AASDH: variants seen among roughly 807,000 people sequenced by gnomAD.
AASDH encodes aminoadipate-semialdehyde dehydrogenase, also known as beta-alanine-activating enzyme.
AASDH carries 81 observed loss-of-function variants against 102.3 expected under a neutral mutation model. That is an observed-to-expected ratio of 0.79 (90% CI 0.66 to 0.95). AASDH has a LOEUF of 0.95. Among genes scored for constraint, AASDH ranks in the 40% least tolerant of loss-of-function variants. The probability of loss-of-function intolerance (pLI) is 0.00; values close to 1 mark genes in which losing one functional copy is unlikely to be tolerated. For synonymous variants in AASDH, 398 were observed against 454.0 expected (o/e 0.88, Z 1.57); for missense variants, 1,203 against 1,266.2 (o/e 0.95, Z 0.76).
chr4:56,347,521 C>T (rs1433036518), intron 11 of AASDH, among the ~76,000 whole-genome samples: 1 of 152,096 alleles, frequency 6.6e-6, no homozygotes, highest in Admixed American at 6.6e-5. Flanking sequence ...CCCAGGACCC[C>T]CATATTCCTA....
At chr4:56,384,389 C>A in intron 1 of AASDH, 48 bp from the exon 2 acceptor site, 4 of 1,052,894 alleles carry the variant, frequency 3.8e-6, no homozygotes, top group South Asian at 1.5e-5. Flanking sequence ...TTAGAGAGCT[C>A]GGTGGAGGGA....
At chr4:56,361,331 C>T (rs1359635272) in intron 5 of AASDH, among the ~76,000 whole-genome samples, 3 of 152,076 alleles carry the variant, frequency 2.0e-5, no homozygotes, top group African/African-American at 7.2e-5. Context: ...ATCACTTGAA[C>T]CCAGGAGGTG....
At chr4:56,380,433 T>G (rs1035610285) in intron 3 of AASDH, among the ~76,000 whole-genome samples, 1 of 151,972 alleles carries the variant, frequency 6.6e-6, no homozygotes, top group East Asian at 1.9e-4. Flanking sequence ...AAGCCTACAG[T>G]GTTTTCTTTG....
chr4:56,371,811 C>A (rs11734595), intron 4 of AASDH, among the ~76,000 whole-genome samples, 168 bp from the exon 5 acceptor site: 54,417 of 152,064 alleles, frequency 0.36, 10,238 homozygotes, highest in Non-Finnish European at 0.43. Flanking sequence ...AGGAAATCTT[C>A]TTTATAAAAG....
At chr4:56,352,755 A>T (rs1055707193) in intron 9 of AASDH, among the ~76,000 whole-genome samples, 1 of 152,132 alleles carries the variant, frequency 6.6e-6, no homozygotes, top group African/African-American at 2.4e-5. Context: ...CCTGTCCTCA[A>T]ACAGGGATTT....
In AASDH at chr4:56,349,500, G is replaced by A. The variant is rs1441760461; in HGVS notation, c.2251C>T (p.Gln751Ter). 2 of 1,614,166 alleles carry A rather than the reference G, an allele frequency of 1.2e-6. No homozygotes were observed. The highest frequency in any genetic ancestry group is 4.5e-5 in the East Asian group (2 of 44,884). ...CACCTCACATGTAACTCCATTTTCT[G>A]AGTCCCTATCGCAGGTTTCCCCTCT... ...SEEGKPAIGT[Q>*]KMELHVRWRS... The change falls in exon 11 of 15, where the codon CAG (glutamine) becomes TAG (stop). Residue 751 changes from glutamine to a stop codon, truncating the protein, a stop_gained. Coordinates refer to ENST00000205214, the MANE Select transcript of AASDH (RefSeq NM_181806.4). LOFTEE classifies it high-confidence loss of function.
intron 5 of AASDH, among the ~76,000 whole-genome samples, chr4:56,364,070 T>A (rs1449248220): frequency 2.0e-5 from 3 of 151,660 alleles, no homozygotes; most frequent in Non-Finnish European, 4.4e-5. Flanking sequence ...ACATGATGAA[T>A]GCACAAGCCT....
chr4:56,386,514 C>T (rs1455528581), intron 1 of AASDH, among the ~76,000 whole-genome samples: 1 of 152,118 alleles, frequency 6.6e-6, no homozygotes, highest in African/African-American at 2.4e-5. Flanking sequence ...GAAAAAAAGG[C>T]CGGGCGCGGT....
chr4:56,353,542 C>T lies in AASDH; in HGVS notation c.1438G>A (p.Glu480Lys), dbSNP rs1469423189. 1 of 1,613,252 alleles carries T rather than the reference C, an allele frequency of 6.2e-7. No homozygotes were observed. The highest frequency in any genetic ancestry group is 1.3e-5 in the African/African-American group (1 of 74,876). ...ESCAVTWYNQ[E>K]KLILFMVSKD... ...GACACCATGAAGAGAATTAATTTTT[C>T]CTGATTATACCATGTAACTGCACAA... Residue 480 changes from glutamate (E) to lysine (K), a missense_variant, in exon 9 of 15, where the codon GAA becomes AAA. Coordinates refer to ENST00000205214, the MANE Select transcript of AASDH (RefSeq NM_181806.4).
intron 1 of AASDH, among the ~76,000 whole-genome samples, chr4:56,384,792 G>A (rs777320148): frequency 2.6e-5 from 4 of 152,178 alleles, no homozygotes; most frequent in Non-Finnish European, 5.9e-5. Context: ...TTACTAATGT[G>A]GCCGGGTGCG....
intron 5 of AASDH, among the ~76,000 whole-genome samples, chr4:56,357,479 A>G (rs1187382747): frequency 6.6e-6 from 1 of 152,124 alleles, no homozygotes; most frequent in Non-Finnish European, 1.5e-5. Context: ...GAGAGACACA[A>G]ACATTCAGAT....
chr4:56,341,303 A>G (rs1318687543), intron 14 of AASDH, among the ~76,000 whole-genome samples: 1 of 151,908 alleles, frequency 6.6e-6, no homozygotes, highest in African/African-American at 2.4e-5. Flanking sequence ...TGTAGTATAT[A>G]TAGATGCAGT....
At chr4:56,360,449 G>C (rs1320827090) in intron 5 of AASDH, among the ~76,000 whole-genome samples, 7 of 152,216 alleles carry the variant, frequency 4.6e-5, no homozygotes. Context: ...CCTTCAAACA[G>C]ACAGAATCTG....
intron 5 of AASDH, among the ~76,000 whole-genome samples, chr4:56,355,716 C>T (rs1251498380): frequency 3.3e-5 from 5 of 151,446 alleles, no homozygotes. Flanking sequence ...CCTCCCAGGC[C>T]CAAGTCATCA....
rs1480450663 is a variant in AASDH at position 56,354,185 on chromosome 4, C to T, written c.1237G>A (p.Asp413Asn). 2.5e-6 allele frequency: 4 copies of T among 1,588,390 alleles called. No individual in the cohort carries two copies. Among genetic ancestry groups the T allele is most frequent in the African/African-American group, 2.7e-5 (2 of 74,246 alleles). Reference sequence around the variant, plus strand: ...CCAAGTGGTACTGTCACTTCATCATCAAGAAAACACACTCTGTTTCTGCCA... The same window carrying T: ...CCAAGTGGTACTGTCACTTCATCATTAAGAAAACACACTCTGTTTCTGCCA... ...LGGRNRVCFLDDEVTVPLGTM... is the reference protein window; with the variant it reads ...LGGRNRVCFLNDEVTVPLGTM... The change falls in exon 8 of 15, where the codon GAT becomes AAT. Residue 413 changes from aspartate (D) to asparagine (N), a missense_variant. Coordinates refer to ENST00000205214, the MANE Select transcript of AASDH (RefSeq NM_181806.4).
Position 56,342,904 on chromosome 4 carries a change from A to G in AASDH, c.2838T>C (p.Cys946=). The G allele has an allele frequency of 6.3e-7, 1 of 1,595,856 alleles. No individual in the cohort carries two copies. Among genetic ancestry groups the G allele is most frequent in the Non-Finnish European group, 8.5e-7 (1 of 1,171,180 alleles). Residue 946 remains cysteine (C), a synonymous_variant, in exon 14 of 15, where the codon TGT becomes TGC. Coordinates refer to ENST00000205214, the MANE Select transcript of AASDH (RefSeq NM_181806.4). The part of the protein sequence containing the change: ...CGKPLFSSPQ[C]CSQYICIGCV... ...AGCCAATACAAATATACTGTGAGCA[A>G]CATTGTGGGGAAGAGAAGAGTGGTT...
chr4:56,343,549 AT>A lies in AASDH; in HGVS notation c.2775+12del. 1 of 1,591,192 alleles carries A rather than the reference AT, an allele frequency of 6.3e-7. No individual in the cohort carries two copies. The highest frequency in any genetic ancestry group is 8.5e-7 in the Non-Finnish European group (1 of 1,170,090). On this transcript the variant is annotated intron_variant, in intron 13 of 14. Transcript: ENST00000205214. ...AAAAGTAATAAAATCAATATGTATT[AT>A]TTTATGCCTACAGGATTTACAGCCA...
rs184388895 is a variant in AASDH, at chr4:56,382,351, T to C, written c.351+126A>G. The C allele has an allele frequency of 2.3e-5, 21 of 895,372 alleles. No individual in the cohort carries two copies. In the Admixed American group the frequency reaches 3.0e-4, roughly 13 times the overall value. The allele number at this position is 895,372 out of a possible 1,614,324, so 55.5% of individuals were successfully genotyped here. A position where few individuals can be genotyped will look rare whatever the true frequency, so the allele number is the denominator to read the frequency against. On this transcript the variant is annotated intron_variant, in intron 3 of 14. Coordinates refer to ENST00000205214, the MANE Select transcript of AASDH (RefSeq NM_181806.4). ...CAATTACTCAACCCTAAAAATGTCA[T>C]AGTGCAAAGACTGAGAAACCTTGCC...
chr4:56,361,858 G>A (rs1750338429), intron 5 of AASDH, among the ~76,000 whole-genome samples: 1 of 152,134 alleles, frequency 6.6e-6, no homozygotes, highest in Non-Finnish European at 1.5e-5. Flanking sequence ...TGTGGTCCCA[G>A]CTACTCAGGA....
Sources: gnomAD v4.1 joint callset for allele counts (sites outside exome capture counted in the v4.1 genomes callset) on GRCh38, gnomAD v4.1.1 for gene constraint, MANE v1.5 for transcripts, NCBI Gene and HGNC (gene_info 2026-07-23, HGNC 2026-07-21) for gene names.